The following CDC42SE2 variants were observed in gnomAD, a reference collection of about 807,000 sequenced individuals.
The protein encoded by CDC42SE2 is CDC42 small effector protein 2.
A neutral mutation model predicts 11.5 loss-of-function variants in CDC42SE2; 3 were observed. The observed-to-expected ratio is 0.26, with a 90% confidence interval of 0.12 to 0.67. CDC42SE2 has a LOEUF of 0.67. CDC42SE2 is among the 30% of genes least tolerant of loss of function. The pLI is 0.80. For missense variants in CDC42SE2, 82 were observed against 106.8 expected, an observed-to-expected ratio of 0.77 and a Z score of 1.02; for synonymous variants, 33 against 34.8, an observed-to-expected ratio of 0.95 and a Z score of 0.18.
the CDC42SE2 span, among the ~76,000 whole-genome samples, chr5:131,212,469 C>T: frequency 6.6e-6 from 1 of 152,128 alleles, no homozygotes; most frequent in African/African-American, 2.4e-5. Flanking sequence ...TCCCTGGAAC[C>T]TTGCTGTCCT....
At chr5:131,258,135 T>A (rs1177983801) in intron 2 of CDC42SE2, among the ~76,000 whole-genome samples, 1 of 152,182 alleles carries the variant, frequency 6.6e-6, no homozygotes, top group South Asian at 2.1e-4. Flanking sequence ...TTGCTTTCCC[T>A]GGGAACACAC....
intron 4 of CDC42SE2, 97 bp from the exon 5 acceptor site, chr5:131,390,896 G>A: frequency 1.4e-6 from 1 of 724,704 alleles, no homozygotes. Context: ...TCTGAAAAAA[G>A]CAGCCCAAAT....
intron 2 of CDC42SE2, among the ~76,000 whole-genome samples, chr5:131,341,520 G>A (rs1758712096): frequency 1.3e-5 from 2 of 152,184 alleles, no homozygotes; most frequent in South Asian, 2.1e-4. Flanking sequence ...GGGAGTATGT[G>A]TATGATTTTA....
At chr5:131,327,514 G>A (rs1257463833) in intron 2 of CDC42SE2, among the ~76,000 whole-genome samples, 1 of 152,086 alleles carries the variant, frequency 6.6e-6, no homozygotes, top group East Asian at 1.9e-4. Context: ...GGCTTTGTAT[G>A]TTGAAAATAT....
the CDC42SE2 span, among the ~76,000 whole-genome samples, chr5:131,224,926 G>T: frequency 6.6e-6 from 1 of 151,952 alleles, no homozygotes; most frequent in Non-Finnish European, 1.5e-5. Flanking sequence ...AGCAGCCCAT[G>T]TGGGGGTGCC....
At chr5:131,366,411 G>C (rs1367216912) in intron 3 of CDC42SE2, among the ~76,000 whole-genome samples, 1 of 152,164 alleles carries the variant, frequency 6.6e-6, no homozygotes, top group African/African-American at 2.4e-5. Flanking sequence ...TGGGGAAAAG[G>C]GATAAGAAGG....
chr5:131,303,396 C>G (rs879587995), intron 1 of CDC42SE2, among the ~76,000 whole-genome samples: 5 of 152,076 alleles, frequency 3.3e-5, no homozygotes, highest in Non-Finnish European at 5.9e-5. Context: ...AGGGTCAAGG[C>G]CTGATAATTT....
chr5:131,320,287 G>A (rs1050156041), intron 2 of CDC42SE2, among the ~76,000 whole-genome samples: 1 of 151,728 alleles, frequency 6.6e-6, no homozygotes, highest in African/African-American at 2.4e-5. Context: ...AGCTACTCAG[G>A]AGGCTGAGGC....
chr5:131,227,762 T>C, the CDC42SE2 span, among the ~76,000 whole-genome samples: 6 of 152,140 alleles, frequency 3.9e-5, no homozygotes, highest in South Asian at 2.1e-4. Flanking sequence ...AAAGGAAATT[T>C]GGCCAGGTGC....
chr5:131,272,138 G>A (rs1561567364), intron 1 of CDC42SE2, among the ~76,000 whole-genome samples: 1 of 152,048 alleles, frequency 6.6e-6, no homozygotes. Flanking sequence ...AGCCTCCCGA[G>A]TAGCTGGAAT....
chr5:131,354,237 CA>C (rs1050998151), intron 2 of CDC42SE2, among the ~76,000 whole-genome samples: 1 of 151,104 alleles, frequency 6.6e-6, no homozygotes, highest in Non-Finnish European at 1.5e-5. Context: ...GACCCTGTCT[CA>C]AAAAAAATAA....
the CDC42SE2 span, among the ~76,000 whole-genome samples, chr5:131,234,188 C>CTA: frequency 6.6e-6 from 1 of 152,172 alleles, no homozygotes; most frequent in Non-Finnish European, 1.5e-5. Context: ...AAAGATTTCT[C>CTA]TATATCCTTG....
At chr5:131,215,907 GTTAA>G in the CDC42SE2 span, among the ~76,000 whole-genome samples, 7 of 152,224 alleles carry the variant, frequency 4.6e-5, no homozygotes, top group African/African-American at 1.7e-4. Flanking sequence ...AATTATGATG[GTTAA>G]TTAAGATATA....
intron 2 of CDC42SE2, among the ~76,000 whole-genome samples, chr5:131,337,128 A>T (rs1758587914): frequency 6.6e-6 from 1 of 151,980 alleles, no homozygotes; most frequent in Admixed American, 6.6e-5. Flanking sequence ...GATGATGGTG[A>T]CGTACAGATG....
At chr5:131,262,984 T>C (rs1756764086), upstream of CDC42SE2, among the ~76,000 whole-genome samples, 1 of 151,674 alleles carries the variant, frequency 6.6e-6, no homozygotes, top group Non-Finnish European at 1.5e-5. Flanking sequence ...CACGTGTCAC[T>C]CTGTCCAGCC....
chr5:131,330,898 T>C (rs1006195410), intron 2 of CDC42SE2, among the ~76,000 whole-genome samples: 4 of 150,860 alleles, frequency 2.7e-5, no homozygotes, highest in African/African-American at 7.3e-5. Flanking sequence ...TGGTGGTGCA[T>C]GCCTGTAGTC....
chr5:131,383,573 A>G (rs1750388442), intron 3 of CDC42SE2, among the ~76,000 whole-genome samples: 1 of 152,194 alleles, frequency 6.6e-6, no homozygotes, highest in South Asian at 2.1e-4. Flanking sequence ...AAATGTTGCA[A>G]TGACATGTCA....
chr5:131,332,235 G>A (rs543307588), intron 2 of CDC42SE2, among the ~76,000 whole-genome samples: 4 of 152,144 alleles, frequency 2.6e-5, no homozygotes, highest in African/African-American at 9.6e-5. Flanking sequence ...TTTTGTCCTT[G>A]CGATAGTTTG....
At chr5:131,216,624 C>T in the CDC42SE2 span, among the ~76,000 whole-genome samples, 1 of 151,938 alleles carries the variant, frequency 6.6e-6, no homozygotes, top group African/African-American at 2.4e-5. Flanking sequence ...GATACAGTTT[C>T]CTTTAATTTA....
Sources: gnomAD v4.1 joint callset for allele counts (sites outside exome capture counted in the v4.1 genomes callset) on GRCh38, gnomAD v4.1.1 for gene constraint, MANE v1.5 for transcripts, NCBI Gene and HGNC (gene_info 2026-07-23, HGNC 2026-07-21) for gene names.